SIPA1L3: variants seen among roughly 807,000 people sequenced by gnomAD.
The protein encoded by SIPA1L3 is signal induced proliferation associated 1 like 3.
In SIPA1L3, 59 loss-of-function variants were observed where a neutral mutation model predicts 150.1. That is an observed-to-expected ratio of 0.39 (90% confidence interval 0.32 to 0.49). The LOEUF is 0.49. Among genes scored for constraint, SIPA1L3 ranks in the 20% least tolerant of loss-of-function variants. The probability of loss-of-function intolerance (pLI) is 0.86; values close to 1 mark genes in which losing one functional copy is unlikely to be tolerated. For missense variants in SIPA1L3, 2,211 were observed against 2,489.5 expected, an observed-to-expected ratio of 0.89 and a Z score of 2.38; for synonymous variants, 1,070 against 1,077.6, an observed-to-expected ratio of 0.99 and a Z score of 0.14.
intron 21 of SIPA1L3, 32 bp downstream of exon 21, chr19:38,204,240 A>G: frequency 6.5e-7 from 1 of 1,535,308 alleles, no homozygotes; most frequent in Non-Finnish European, 8.8e-7. Context: ...TCTCCATCCC[A>G]CTTCCCAGAC....
chr19:38,015,495 G>A (rs573346865), intron 1 of SIPA1L3, among the ~76,000 whole-genome samples: 2 of 152,024 alleles, frequency 1.3e-5, no homozygotes, highest in East Asian at 3.9e-4. Context: ...AGGCTGAGGC[G>A]GGCAGACTGC....
intron 1 of SIPA1L3, among the ~76,000 whole-genome samples, chr19:37,916,474 G>A (rs1386254853): frequency 1.5e-5 from 2 of 136,812 alleles, no homozygotes; most frequent in African/African-American, 5.5e-5. Flanking sequence ...AGTGAGCTAT[G>A]ATCACACCAC....
chr19:38,164,935 A>T lies in SIPA1L3; in HGVS notation c.4208+29A>T. ...AGCTGTTGCACCTAGTCTGGGTTCT[A>T]ACCACCTTCCACTTCGCCAGTTCTA... is the stretch of plus-strand genomic sequence containing the variant. On this transcript the variant is annotated intron_variant, in intron 15 of 21. Coordinates refer to ENST00000222345, the MANE Select transcript of SIPA1L3 (RefSeq NM_015073.3). This position sits in a 1 kb window ranked among gnomAD's most constrained non-coding sequence, Gnocchi z 4.1. 1 of 1,502,464 alleles carries T rather than the reference A, an allele frequency of 6.7e-7. No homozygotes were observed. The highest frequency in any genetic ancestry group is 2.2e-5 in the Admixed American group (1 of 45,050). The allele number at this position is 1,502,464 out of a possible 1,614,324, so 93.1% of individuals were successfully genotyped here.
chr19:37,996,540 C>T (rs1027676186), intron 1 of SIPA1L3, among the ~76,000 whole-genome samples: 12 of 152,008 alleles, frequency 7.9e-5, no homozygotes, highest in East Asian at 7.7e-4. Flanking sequence ...TTAAAGTCTA[C>T]TCTCTCAGCC....
intron 9 of SIPA1L3, among the ~76,000 whole-genome samples, chr19:38,124,867 C>T (rs1439276325): frequency 3.3e-5 from 5 of 152,128 alleles, no homozygotes; most frequent in South Asian, 2.1e-4. Flanking sequence ...TCAGGTGTGG[C>T]GGCGCGCGCC....
rs201857475 is a variant in SIPA1L3, at chr19:38,140,137, C to CA, written c.3144-1046dup. On this transcript the variant is annotated intron_variant, in intron 10 of 21. Transcript: ENST00000222345. ...GGCTCCAGGGAATTCAGGAGACACT[C>CA]AGAGGATCAGCTCGATGGGGGTATG... 5.9e-3 allele frequency among the ~76,000 whole-genome samples: 903 copies of CA among 152,350 alleles called. 9 individuals are homozygous for CA. Among genetic ancestry groups the CA allele is most frequent in the African/African-American group, 0.02 (848 of 41,584 alleles).
Position 38,202,888 on chromosome 19 carries a change from C to T in SIPA1L3, c.5120+891C>T, listed in dbSNP as rs189684906. Among the ~76,000 whole-genome samples the T allele has an allele frequency of 2.0e-4, 30 of 152,296 alleles. 1 individual carries two copies. The highest frequency in any genetic ancestry group is 1.8e-3 in the Admixed American group (28 of 15,296). ...GATCTCTCACATTTGTCATCTCACG[C>T]GTGGCTTCTCACATTCAGCGCAGCA... On this transcript the variant is annotated intron_variant, in intron 20 of 21. Transcript: ENST00000222345.
intron 16 of SIPA1L3, among the ~76,000 whole-genome samples, chr19:38,190,830 T>TTC (rs896418239): frequency 2.0e-5 from 3 of 152,328 alleles, no homozygotes; most frequent in Non-Finnish European, 4.4e-5. Flanking sequence ...GGTTCATAAT[T>TTC]TCTTCCAGAA....
At chr19:37,975,164 G>C (rs1967045157) in intron 1 of SIPA1L3, among the ~76,000 whole-genome samples, 2 of 152,288 alleles carry the variant, frequency 1.3e-5, no homozygotes, top group African/African-American at 4.8e-5. Flanking sequence ...CAAGAGACTT[G>C]GGCATTCAAC....
Position 38,096,492 on chromosome 19 carries a change from G to A in SIPA1L3, c.1666-3470G>A, listed in dbSNP as rs922425258. Among the ~76,000 whole-genome samples, 14 of 152,152 alleles carry A rather than the reference G, an allele frequency of 9.2e-5. No individual in the cohort carries two copies. The East Asian group carries it at 1.7e-3, about 19-fold the overall frequency. On this transcript the variant is annotated intron_variant, in intron 4 of 21. Transcript: ENST00000222345. ...TCGAACTCCTGACCTAAAGTGATCC[G>A]CCCACCTCGACCTCTCAAAGTGCTG...
intron 16 of SIPA1L3, among the ~76,000 whole-genome samples, chr19:38,191,304 G>T (rs1972798807): frequency 6.6e-6 from 1 of 151,884 alleles, no homozygotes; most frequent in Non-Finnish European, 1.5e-5. Flanking sequence ...GGAGGCCAGG[G>T]TAGGAGGGTC....
chr19:37,996,923 C>T (rs941971039), intron 1 of SIPA1L3, among the ~76,000 whole-genome samples: 1 of 151,986 alleles, frequency 6.6e-6, no homozygotes, highest in Non-Finnish European at 1.5e-5. Context: ...TCTCGAACTC[C>T]TGACCTCAGG....
intron 9 of SIPA1L3, among the ~76,000 whole-genome samples, chr19:38,121,642 G>A (rs1971021075): frequency 6.6e-6 from 1 of 152,070 alleles, no homozygotes; most frequent in Admixed American, 6.6e-5. Flanking sequence ...GGGAGGCTGA[G>A]GCAGGAGAAT....
At chr19:37,959,595 A>G (rs1215208063) in intron 1 of SIPA1L3, among the ~76,000 whole-genome samples, 1 of 152,204 alleles carries the variant, frequency 6.6e-6, no homozygotes, top group Non-Finnish European at 1.5e-5. Context: ...TTCTAAGCTC[A>G]GGTTGTGGTG....
rs757828313 is a variant in SIPA1L3, at chr19:38,030,623, AATATAT to A, written c.-311+1490_-311+1495del. On this transcript the variant is annotated intron_variant, in intron 2 of 21. Transcript: ENST00000222345. ...ATATTTTATATATATATATGTGGCA[AATATAT>A]ATATATATATATATATATATATGGC... 7.5e-4 allele frequency among the ~76,000 whole-genome samples: 32 copies of A among 42,640 alleles called. 3 individuals are homozygous for A. The highest frequency in any genetic ancestry group is 1.8e-3 in the African/African-American group (31 of 16,918). The allele number at this position is 42,640 out of a possible 152,430, so 28.0% of individuals were successfully genotyped here.
chr19:38,205,813 GT>G (rs778395367), intron 21 of SIPA1L3, among the ~76,000 whole-genome samples: 8 of 152,226 alleles, frequency 5.3e-5, no homozygotes, highest in Non-Finnish European at 1.2e-4. Flanking sequence ...CAATAGTGAT[GT>G]TTGTCAAGCG....
At chr19:37,919,284 A>G (rs1403329354) in intron 1 of SIPA1L3, among the ~76,000 whole-genome samples, 1 of 152,184 alleles carries the variant, frequency 6.6e-6, no homozygotes, top group Non-Finnish European at 1.5e-5. Flanking sequence ...CTGGCATGTG[A>G]GAGATGCTCA....
Position 38,187,421 on chromosome 19 carries a change from C to T in SIPA1L3, c.4430+4681C>T, listed in dbSNP as rs553675174. Among the ~76,000 whole-genome samples the T allele has an allele frequency of 5.3e-5, 8 of 151,660 alleles. No individual in the cohort carries two copies. In the South Asian group the frequency reaches 1.7e-3, roughly 32 times the overall value. On this transcript the variant is annotated intron_variant, in intron 16 of 21. Transcript: ENST00000222345. Reference sequence around the variant, plus strand: ...GAGACAAGATTGTGCCACTGCACTACAGCCTGGGCAACAAGAGTGAAACTC... The same window carrying T: ...GAGACAAGATTGTGCCACTGCACTATAGCCTGGGCAACAAGAGTGAAACTC...
intron 12 of SIPA1L3, among the ~76,000 whole-genome samples, chr19:38,147,915 C>T (rs1310385521): frequency 2.0e-5 from 3 of 152,102 alleles, no homozygotes; most frequent in African/African-American, 7.2e-5. Context: ...TTCCAGAGGG[C>T]TGACCCTGAC....
Sources: allele counts gnomAD v4.1 joint callset (sites outside exome capture counted in the v4.1 genomes callset), GRCh38; gene constraint gnomAD v4.1.1; non-coding constraint Gnocchi (gnomAD v3.1); transcripts MANE v1.5; gene names NCBI Gene and HGNC (gene_info 2026-07-23, HGNC 2026-07-21).